Variants in DCDC2C observed in about 807,000 individuals in gnomAD.
The protein encoded by DCDC2C is doublecortin domain containing 2C.
In DCDC2C, 44 loss-of-function variants were observed where a neutral mutation model predicts 45.0. The ratio of observed to expected loss-of-function variants is 0.98; its 90% CI spans 0.77 to 1.26. The LOEUF (loss-of-function observed/expected upper bound fraction) is 1.26, where lower values mean the gene tolerates loss of function less well. Ranked by LOEUF, DCDC2C falls within the 50% of genes most tolerant of loss-of-function variation. The pLI is 0.00. For synonymous variants in DCDC2C, 187 were observed against 178.8 expected (o/e 1.05, Z -0.37); for missense variants, 447 against 468.9 (o/e 0.95, Z 0.43).
intron 10 of DCDC2C, among the ~76,000 whole-genome samples, chr2:3,840,395 C>T (rs931440645): frequency 6.6e-6 from 1 of 152,136 alleles, no homozygotes; most frequent in Admixed American, 6.5e-5. Flanking sequence ...GGAAAGAAAA[C>T]CTAATTCAAG....
chr2:3,727,367 G>A (rs1668720854), intron 3 of DCDC2C, among the ~76,000 whole-genome samples: 1 of 152,180 alleles, frequency 6.6e-6, no homozygotes, highest in South Asian at 2.1e-4. Context: ...AGTTCACCTG[G>A]GGATATGAAG....
At chr2:3,722,243 G>A (rs1231170630) in intron 2 of DCDC2C, among the ~76,000 whole-genome samples, 1 of 152,230 alleles carries the variant, frequency 6.6e-6, no homozygotes, top group South Asian at 2.1e-4. Context: ...AGGCTCCTGA[G>A]TACTAAGCTA....
chr2:3,705,012 T>C (rs72769397), intron 1 of DCDC2C, among the ~76,000 whole-genome samples: 8,218 of 152,240 alleles, frequency 0.054, 228 homozygotes, highest in East Asian at 0.1. Context: ...TTGTATAGCT[T>C]TGTGTGGGGA....
rs537164301 is a variant in DCDC2C at position 3,779,766 on chromosome 2, C to T, written c.1023+882C>T. On this transcript the variant is annotated intron_variant, in intron 9 of 10. Transcript: ENST00000399143. ...CAGGCGGGGACACTCGCAGCCTTGC[C>T]GGGAGTCACTTTTTTTTGCTCTTAA... Among the ~76,000 whole-genome samples the T allele has an allele frequency of 2.6e-3, 359 of 137,300 alleles. 1 individual carries two copies. Among genetic ancestry groups the T allele is most frequent in the African/African-American group, 9.1e-3 (352 of 38,538 alleles). The allele number at this position is 137,300 out of a possible 152,430, so 90.1% of individuals were successfully genotyped here.
intron 10 of DCDC2C, among the ~76,000 whole-genome samples, chr2:3,830,649 T>C (rs1671926288): frequency 6.6e-6 from 1 of 152,142 alleles, no homozygotes; most frequent in South Asian, 2.1e-4. Context: ...CCCCACTCCA[T>C]GTGGCTGGGC....
intron 4 of DCDC2C, among the ~76,000 whole-genome samples, chr2:3,747,795 C>T (rs1290768245): frequency 6.6e-6 from 1 of 152,208 alleles, no homozygotes; most frequent in Admixed American, 6.5e-5. Context: ...CCTCACAGGG[C>T]AGACACTGTC....
chr2:3,814,821 C>T (rs1671512582), intron 10 of DCDC2C, among the ~76,000 whole-genome samples: 1 of 152,258 alleles, frequency 6.6e-6, no homozygotes, highest in South Asian at 2.1e-4. Context: ...GCACTCCGGC[C>T]ACAGACTGGC....
At chr2:3,750,916 TCCTC>T (rs1259050068) in intron 4 of DCDC2C, among the ~76,000 whole-genome samples, 2 of 152,168 alleles carry the variant, frequency 1.3e-5, no homozygotes, top group Non-Finnish European at 2.9e-5. Context: ...GTTTCTTTCT[TCCTC>T]CCTGCTTTCC....
At chr2:3,751,683 C>G (rs1669546910) in intron 4 of DCDC2C, among the ~76,000 whole-genome samples, 1 of 152,164 alleles carries the variant, frequency 6.6e-6, no homozygotes, top group Non-Finnish European at 1.5e-5. Flanking sequence ...CCTTTCCATG[C>G]CCCCTGCATT....
rs576454032 is a variant in DCDC2C at position 3,785,003 on chromosome 2, A to C, written c.1024-56A>C. 6.3e-5 allele frequency: 74 copies of C among 1,183,808 alleles called. No homozygotes were observed. The African/African-American group carries it at 1.1e-3, about 17-fold the overall frequency. 73.3% of individuals were successfully genotyped at this position (1,183,808 alleles called of 1,614,324 possible). ...TAGAGGTGGGGGAGATTAAGGATTT[A>C]TTTTACAACATCCTTCTTGCGATAG... is the stretch of plus-strand genomic sequence containing the variant. On this transcript the variant is annotated intron_variant, in intron 9 of 10. Coordinates refer to ENST00000399143, the MANE Select transcript of DCDC2C (RefSeq NM_001287444.2).
chr2:3,793,940 AAG>A (rs1218805881), intron 10 of DCDC2C, among the ~76,000 whole-genome samples: 4 of 152,254 alleles, frequency 2.6e-5, no homozygotes, highest in Admixed American at 6.5e-5. Context: ...GTACTTGAAA[AAG>A]AGAGGAATAT....
chr2:3,769,820 T>C (rs932303098), intron 8 of DCDC2C, among the ~76,000 whole-genome samples: 1 of 152,202 alleles, frequency 6.6e-6, no homozygotes, highest in African/African-American at 2.4e-5. Flanking sequence ...GACTGAATAA[T>C]GGAGTAAACA....
intron 10 of DCDC2C, among the ~76,000 whole-genome samples, chr2:3,819,854 C>A (rs555369901): frequency 6.6e-6 from 1 of 151,962 alleles, no homozygotes. Flanking sequence ...AGTCACGGGA[C>A]GAAACTGTAA....
At chr2:3,747,240 T>C (rs951863020) in intron 4 of DCDC2C, among the ~76,000 whole-genome samples, 1 of 152,228 alleles carries the variant, frequency 6.6e-6, no homozygotes, top group Non-Finnish European at 1.5e-5. Flanking sequence ...CCTCGGTTTC[T>C]GTGCAGGGCT....
At chr2:3,742,097 T>A in intron 4 of DCDC2C, 49 bp downstream of exon 4, 1 of 1,474,562 alleles carries the variant, frequency 6.8e-7, no homozygotes, top group East Asian at 2.5e-5. Context: ...CAGCTTGTGT[T>A]TATTCTTTCT....
At chr2:3,809,097 T>G (rs951316583) in intron 10 of DCDC2C, among the ~76,000 whole-genome samples, 1 of 152,244 alleles carries the variant, frequency 6.6e-6, no homozygotes, top group African/African-American at 2.4e-5. Flanking sequence ...GTTTATCCCA[T>G]TGATCTATGT....
In DCDC2C at chr2:3,715,924, G is replaced by A. The variant is rs6726953; in HGVS notation, c.339+7324G>A. The stretch of plus-strand genomic sequence containing the variant: ...GGGCTGTTTGATTTTAGGATGACCA[G>A]GTGGTCTTCACTGAGGAGGTGACTT... On this transcript the variant is annotated intron_variant, in intron 2 of 10. Coordinates refer to ENST00000399143, the MANE Select transcript of DCDC2C (RefSeq NM_001287444.2). Among the ~76,000 whole-genome samples, 1,255 of 152,278 alleles carry A rather than the reference G, an allele frequency of 8.2e-3. 19 individuals carry two copies. Among genetic ancestry groups the A allele is most frequent in the African/African-American group, 0.029 (1,213 of 41,552 alleles).
intron 10 of DCDC2C, among the ~76,000 whole-genome samples, chr2:3,803,170 G>A (rs745870951): frequency 1.2e-4 from 18 of 152,050 alleles, no homozygotes; most frequent in Non-Finnish European, 1.9e-4. Context: ...TGATATTCTC[G>A]TGTTGCCTTT....
At chr2:3,836,840 C>A (rs1343596524) in intron 10 of DCDC2C, among the ~76,000 whole-genome samples, 3 of 135,586 alleles carry the variant, frequency 2.2e-5, no homozygotes, top group African/African-American at 5.6e-5. Context: ...CCAGCCTGGG[C>A]GACAGAGCGA....
Sources: gnomAD v4.1 joint callset for allele counts (sites outside exome capture counted in the v4.1 genomes callset) on GRCh38, gnomAD v4.1.1 for gene constraint, MANE v1.5 for transcripts, NCBI Gene and HGNC (gene_info 2026-07-23, HGNC 2026-07-21) for gene names.